PKP4: variants seen among roughly 807,000 people sequenced by gnomAD.
The protein encoded by PKP4 is plakophilin-4.
PKP4 carries 90 observed loss-of-function variants against 145.1 expected under a neutral mutation model. The observed-to-expected ratio is 0.62, with a 90% CI of 0.52 to 0.74. The LOEUF (loss-of-function observed/expected upper bound fraction) is 0.74, where lower values mean the gene tolerates loss of function less well. Ranked by LOEUF, PKP4 falls within the 30% of genes least tolerant of loss-of-function variation. The pLI, the probability that PKP4 is intolerant of heterozygous loss-of-function variation, is 0.00. For synonymous variants in PKP4, 563 were observed against 577.2 expected (o/e 0.98, Z 0.35); for missense variants, 1,340 against 1,482.7 (o/e 0.90, Z 1.58).
At chr2:158,605,180 A>G (rs1046244561) in intron 4 of PKP4, among the ~76,000 whole-genome samples, 2 of 152,214 alleles carry the variant, frequency 1.3e-5, no homozygotes, top group African/African-American at 4.8e-5. Flanking sequence ...AATACTGCAT[A>G]CATGAACGAA....
chr2:158,595,227 G>T (rs990371351), intron 3 of PKP4, among the ~76,000 whole-genome samples: 1 of 152,154 alleles, frequency 6.6e-6, no homozygotes, highest in Non-Finnish European at 1.5e-5. Flanking sequence ...TTAGTAAGTG[G>T]TATGAATTTT....
rs75151622 is a variant in PKP4 at position 158,510,516 on chromosome 2, C to T, written c.-5-22664C>T. Reference sequence around the variant, plus strand: ...TGGTTGGACTAGAGGAGTGAGTCATCGAAAAAAGGCAATTTCAGAACACAT... The same window carrying T: ...TGGTTGGACTAGAGGAGTGAGTCATTGAAAAAAGGCAATTTCAGAACACAT... On this transcript the variant is annotated intron_variant, in intron 1 of 21. Coordinates refer to ENST00000389759, the MANE Select transcript of PKP4 (RefSeq NM_003628.6). Among the ~76,000 whole-genome samples, 850 of 152,158 alleles carry T rather than the reference C, an allele frequency of 5.6e-3. 12 individuals carry two copies. The highest frequency in any genetic ancestry group is 0.019 in the African/African-American group (809 of 41,508).
At chr2:158,493,232 C>T (rs141321618) in intron 1 of PKP4, among the ~76,000 whole-genome samples, 4 of 152,090 alleles carry the variant, frequency 2.6e-5, no homozygotes, top group African/African-American at 7.2e-5. Context: ...GCTGTCTTCC[C>T]GTTTTCCTAA....
At chr2:158,537,415 A>G (rs1219877591) in intron 2 of PKP4, among the ~76,000 whole-genome samples, 2 of 152,236 alleles carry the variant, frequency 1.3e-5, no homozygotes, top group Admixed American at 6.5e-5. Flanking sequence ...CACCAGTGTT[A>G]TGTGTATCAG....
In PKP4 at chr2:158,663,002, G is replaced by C. The variant is rs2056748943; in HGVS notation, c.2317G>C (p.Gly773Arg). The C allele has an allele frequency of 6.2e-7, 1 of 1,614,030 alleles. No homozygotes were observed. Among genetic ancestry groups the C allele is most frequent in the African/African-American group, 1.3e-5 (1 of 75,000 alleles). ...ACTGAACGAATTGGATGACTTACTAGGAAAAGAGTCTCCCAGCAAAGACTC... is the reference window on the plus strand; with the variant it reads ...ACTGAACGAATTGGATGACTTACTACGAAAAGAGTCTCCCAGCAAAGACTC... Reference protein sequence around the residue: ...LGLNELDDLLGKESPSKDSEP... With the variant: ...LGLNELDDLLRKESPSKDSEP... The change falls in exon 14 of 22, where the codon GGA becomes CGA. Residue 773 changes from glycine to arginine, a missense_variant. Gly to Arg is a moderately radical substitution (Grantham distance 125). Transcript: ENST00000389759.
Position 158,572,831 on chromosome 2 carries a change from A to G in PKP4, c.133-4440A>G, listed in dbSNP as rs185284343. ...CTATGAGACAACCAAAGAAAAGAGA[A>G]ATTTAAGGCCCAGAATGCCAGCTGA... On this transcript the variant is annotated intron_variant, in intron 2 of 21. Coordinates refer to ENST00000389759, the MANE Select transcript of PKP4 (RefSeq NM_003628.6). 2.4e-3 allele frequency among the ~76,000 whole-genome samples: 359 copies of G among 152,342 alleles called. 2 individuals carry two copies. The highest frequency in any genetic ancestry group is 8.4e-3 in the African/African-American group (350 of 41,568).
intron 3 of PKP4, among the ~76,000 whole-genome samples, chr2:158,592,829 C>T (rs1333532679): frequency 3.3e-5 from 5 of 152,116 alleles, no homozygotes; most frequent in East Asian, 3.9e-4. Context: ...AAATAATGTA[C>T]GAAATTAAAT....
intron 11 of PKP4, among the ~76,000 whole-genome samples, chr2:158,647,226 G>A (rs982803623): frequency 6.6e-6 from 1 of 152,162 alleles, no homozygotes; most frequent in African/African-American, 2.4e-5. Context: ...CTTGCACGGT[G>A]CTTGGCCTTT....
At chr2:158,493,907 C>T (rs1057225058) in intron 1 of PKP4, among the ~76,000 whole-genome samples, 2 of 152,082 alleles carry the variant, frequency 1.3e-5, no homozygotes, top group African/African-American at 2.4e-5. Context: ...TTCTTTCATT[C>T]TCCAGTGTGA....
chr2:158,624,499 A>C (rs914742575), intron 6 of PKP4, among the ~76,000 whole-genome samples: 2 of 152,240 alleles, frequency 1.3e-5, no homozygotes, highest in African/African-American at 4.8e-5. Flanking sequence ...TGAAGTAAGT[A>C]CATTGTTCTG....
At chr2:158,671,829 G>T (rs569365348) in intron 17 of PKP4, among the ~76,000 whole-genome samples, 1 of 152,348 alleles carries the variant, frequency 6.6e-6, no homozygotes, top group East Asian at 1.9e-4. Context: ...GTGGGTGGTG[G>T]GCCATGCTGG....
In PKP4 at chr2:158,534,665, C is replaced by G. The variant is rs148568465; in HGVS notation, c.132+1349C>G. On this transcript the variant is annotated intron_variant, in intron 2 of 21. Transcript: ENST00000389759. Reference sequence around the variant, plus strand: ...AATTTATCAAAATGTTTAGAAATGACTTAAAACTATTAACTGCGTGCAGTA... The same window carrying G: ...AATTTATCAAAATGTTTAGAAATGAGTTAAAACTATTAACTGCGTGCAGTA... 2.9e-3 allele frequency among the ~76,000 whole-genome samples: 439 copies of G among 152,254 alleles called. 2 individuals carry two copies. Among genetic ancestry groups the G allele is most frequent in the African/African-American group, 9.3e-3 (388 of 41,550 alleles).
intron 3 of PKP4, among the ~76,000 whole-genome samples, chr2:158,589,236 A>T (rs2105813725): frequency 1.3e-5 from 2 of 152,144 alleles, no homozygotes; most frequent in South Asian, 4.2e-4. Context: ...GTAGCATTTC[A>T]TTTTTGGTCT....
chr2:158,672,679 G>A (rs768645208), intron 17 of PKP4, among the ~76,000 whole-genome samples: 2 of 152,130 alleles, frequency 1.3e-5, no homozygotes, highest in African/African-American at 4.8e-5. Flanking sequence ...GTCCAATTTG[G>A]AAATAAAAAG....
At chr2:158,604,573 TGTG>T (rs1048785402) in intron 4 of PKP4, among the ~76,000 whole-genome samples, 13 of 152,066 alleles carry the variant, frequency 8.5e-5, no homozygotes, top group African/African-American at 2.2e-4. Flanking sequence ...TAGAGGCTGG[TGTG>T]GTGGTCAGGT....
chr2:158,540,717 AGG>A (rs1268453305), intron 2 of PKP4, among the ~76,000 whole-genome samples: 13 of 152,288 alleles, frequency 8.5e-5, no homozygotes, highest in Non-Finnish European at 1.8e-4. Context: ...TTGTTAACTT[AGG>A]CATTTTTAGG....
rs147439544 is a variant in PKP4 at position 158,483,084 on chromosome 2, G to C, written c.-6+25866G>C. 6.6e-5 allele frequency among the ~76,000 whole-genome samples: 10 copies of C among 152,210 alleles called. No individual in the cohort carries two copies. In the East Asian group the frequency reaches 1.7e-3, roughly 26 times the overall value. On this transcript the variant is annotated intron_variant, in intron 1 of 21. Coordinates refer to ENST00000389759, the MANE Select transcript of PKP4 (RefSeq NM_003628.6). ...ATCTCTAAGTCATGAGCAGTTAGCT[G>C]TCTGTTCATTAGTGTGTCCTTAAAA...
intron 11 of PKP4, among the ~76,000 whole-genome samples, chr2:158,644,762 G>A (rs2105938929): frequency 6.6e-6 from 1 of 152,308 alleles, no homozygotes; most frequent in South Asian, 2.1e-4. Context: ...GAAGAGGAAG[G>A]AGGAAAATGG....
At chr2:158,612,815 T>C (rs1308292786) in intron 4 of PKP4, among the ~76,000 whole-genome samples, 1 of 152,036 alleles carries the variant, frequency 6.6e-6, no homozygotes, top group African/African-American at 2.4e-5. Flanking sequence ...AACTTGAGCA[T>C]ACCCCGGACC....
Sources: allele counts gnomAD v4.1 joint callset (sites outside exome capture counted in the v4.1 genomes callset), GRCh38; gene constraint gnomAD v4.1.1; transcripts MANE v1.5; gene names NCBI Gene and HGNC (gene_info 2026-07-23, HGNC 2026-07-21).